Variants in PLOD2 observed in about 807,000 individuals in gnomAD.
The protein encoded by PLOD2 is lysine hydroxylase 2.
In PLOD2, 65 loss-of-function variants were observed where a neutral mutation model predicts 101.0. The observed-to-expected ratio is 0.64, with a 90% CI of 0.53 to 0.79. The LOEUF (loss-of-function observed/expected upper bound fraction) is 0.79, where lower values mean the gene tolerates loss of function less well. Ranked by LOEUF, PLOD2 falls within the 30% of genes least tolerant of loss-of-function variation. The probability of loss-of-function intolerance (pLI) is 0.00; values close to 1 mark genes in which losing one functional copy is unlikely to be tolerated. For missense variants in PLOD2, 909 were observed against 914.6 expected (o/e 0.99, Z 0.08); for synonymous variants, 314 against 302.9 (o/e 1.04, Z -0.38).
chr3:146,112,234 A>T (rs1937669788), intron 3 of PLOD2, among the ~76,000 whole-genome samples: 1 of 152,208 alleles, frequency 6.6e-6, no homozygotes, highest in South Asian at 2.1e-4. Flanking sequence ...AATAGCAAAG[A>T]CTTGGAACCA....
intron 1 of PLOD2, among the ~76,000 whole-genome samples, chr3:146,143,663 T>C (rs1265892614): frequency 6.6e-6 from 1 of 152,070 alleles, no homozygotes; most frequent in East Asian, 1.9e-4. Context: ...GTATATAGTT[T>C]AGCAACTGTA....
chr3:146,086,638 T>C (rs147029425), intron 10 of PLOD2, 149 bp downstream of exon 10: 11 of 507,506 alleles, frequency 2.2e-5, no homozygotes, highest in South Asian at 6.7e-5. Context: ...CGTACAAACA[T>C]AGACACAGTC....
Position 146,147,012 on chromosome 3 carries a change from G to A in PLOD2, c.109+13869C>T, listed in dbSNP as rs16857938. On this transcript the variant is annotated intron_variant, in intron 1 of 19. Coordinates refer to ENST00000282903, the MANE Select transcript of PLOD2 (RefSeq NM_182943.3). ...AAGGCCTATAGGCAGAGAAGCTTCC[G>A]AGGTTGGGAGTTCTAAGGCACAGCA... Among the ~76,000 whole-genome samples, 1,316 of 152,252 alleles carry A rather than the reference G, an allele frequency of 8.6e-3. 19 individuals carry two copies. The highest frequency in any genetic ancestry group is 0.03 in the African/African-American group (1,264 of 41,544).
chr3:146,096,882 G>GGGGA (rs1937192114), intron 7 of PLOD2, among the ~76,000 whole-genome samples: 1 of 76,270 alleles, frequency 1.3e-5, no homozygotes, highest in Non-Finnish European at 2.8e-5. Flanking sequence ...GAGGGAGGTG[G>GGGGA]GGGGGGGGAG....
At chr3:146,110,088 A>G (rs974896670) in intron 4 of PLOD2, among the ~76,000 whole-genome samples, 197 bp downstream of exon 4, 12 of 152,160 alleles carry the variant, frequency 7.9e-5, no homozygotes, top group Non-Finnish European at 1.5e-4. Context: ...ATAATTTGGT[A>G]ATTATAACAT....
At chr3:146,160,567 G>A (rs936925607) in intron 1 of PLOD2, among the ~76,000 whole-genome samples, 23 of 152,164 alleles carry the variant, frequency 1.5e-4, no homozygotes. Flanking sequence ...GAGGGGAAAG[G>A]AGAGCTGCAG....
At chr3:146,152,104 C>T (rs1163431800) in intron 1 of PLOD2, among the ~76,000 whole-genome samples, 1 of 152,142 alleles carries the variant, frequency 6.6e-6, no homozygotes, top group Non-Finnish European at 1.5e-5. Context: ...CAAAAATAGT[C>T]ATGGGCAACA....
intron 1 of PLOD2, among the ~76,000 whole-genome samples, chr3:146,141,172 G>A (rs1009128338): frequency 6.6e-6 from 1 of 151,886 alleles, no homozygotes; most frequent in Non-Finnish European, 1.5e-5. Flanking sequence ...TAAATAGCTG[G>A]ATGTTTAGAT....
intron 1 of PLOD2, among the ~76,000 whole-genome samples, chr3:146,134,329 T>C (rs1183859992): frequency 2.6e-5 from 4 of 152,212 alleles, no homozygotes; most frequent in Non-Finnish European, 5.9e-5. Context: ...TTCCAGAATT[T>C]ATGACTTGGA....
At chr3:146,083,748 AT>A (rs1187817046) in intron 11 of PLOD2, among the ~76,000 whole-genome samples, 1 of 151,416 alleles carries the variant, frequency 6.6e-6, no homozygotes, top group African/African-American at 2.4e-5. Context: ...CGCCCGGCTA[AT>A]TTTTTGTATT....
rs1311493609 is a variant in PLOD2 at position 146,161,019 on chromosome 3, G to A, written c.-30C>T. ...GGCCCTCGAGGGCCGCGCGGGCTCA[G>A]GCGCCCACGGCCCCGCAGCGCCGCG... On this transcript the variant is annotated 5_prime_UTR_variant, in exon 1 of 20. Transcript: ENST00000282903. 7.2e-7 allele frequency: 1 copy of A among 1,398,264 alleles called. No individual in the cohort carries two copies. The allele number at this position is 1,398,264 out of a possible 1,614,324, so 86.6% of individuals were successfully genotyped here.
chr3:146,128,489 CAGTGGCAGACTATGTAATCATCT>C (rs2030714383), intron 1 of PLOD2, among the ~76,000 whole-genome samples: 1 of 152,084 alleles, frequency 6.6e-6, no homozygotes. Flanking sequence ...AAATGAAAAT[CAGTGGCAGACTATGTAATCATCT>C]TTACATAATC....
chr3:146,071,488 A>C (rs1559830928), intron 17 of PLOD2, 65 bp from the exon 18 acceptor site: 1 of 1,467,048 alleles, frequency 6.8e-7, no homozygotes, highest in African/African-American at 1.4e-5. Flanking sequence ...ATATTATAGT[A>C]TTTTTTTTCA....
chr3:146,081,989 C>T, intron 11 of PLOD2, 126 bp from the exon 12 acceptor site: 1 of 616,716 alleles, frequency 1.6e-6, no homozygotes, highest in South Asian at 3.3e-5. Context: ...TTCAACAAAC[C>T]TGTAGTTAAT....
chr3:146,111,119 G>A (rs1179695816), intron 3 of PLOD2, among the ~76,000 whole-genome samples: 1 of 151,960 alleles, frequency 6.6e-6, no homozygotes, highest in Non-Finnish European at 1.5e-5. Flanking sequence ...CTTCCTCATG[G>A]TTCATTCACA....
At chr3:146,117,513 T>G (rs988785151) in intron 3 of PLOD2, among the ~76,000 whole-genome samples, 1 of 152,168 alleles carries the variant, frequency 6.6e-6, no homozygotes, top group Non-Finnish European at 1.5e-5. Flanking sequence ...AAATTTCTTA[T>G]GTGGCTTCAA....
chr3:146,101,464 G>C (rs1174772747), intron 7 of PLOD2, among the ~76,000 whole-genome samples: 1 of 152,188 alleles, frequency 6.6e-6, no homozygotes, highest in Non-Finnish European at 1.5e-5. Context: ...CAAAGGGAAG[G>C]AGCATTCAAG....
intron 4 of PLOD2, among the ~76,000 whole-genome samples, chr3:146,108,277 C>T (rs1314691675): frequency 6.6e-6 from 1 of 152,046 alleles, no homozygotes; most frequent in African/African-American, 2.4e-5. Flanking sequence ...ACCTCCTGGG[C>T]TCAAACAATC....
chr3:146,130,024 T>C lies in PLOD2; in HGVS notation c.110-5795A>G, dbSNP rs150713436. ...TTCATTGGTAAATACCCTCTTAGGATAGTAGAGAAACTCCATTACCACAAT... is the reference window on the plus strand; with the variant it reads ...TTCATTGGTAAATACCCTCTTAGGACAGTAGAGAAACTCCATTACCACAAT... On this transcript the variant is annotated intron_variant, in intron 1 of 19. Coordinates refer to ENST00000282903, the MANE Select transcript of PLOD2 (RefSeq NM_182943.3). 3.9e-3 allele frequency among the ~76,000 whole-genome samples: 598 copies of C among 152,286 alleles called. 1 individual carries two copies. The highest frequency in any genetic ancestry group is 0.014 in the African/African-American group (575 of 41,578).
Sources: allele counts gnomAD v4.1 joint callset (sites outside exome capture counted in the v4.1 genomes callset), GRCh38; gene constraint gnomAD v4.1.1; transcripts MANE v1.5; gene names NCBI Gene and HGNC (gene_info 2026-07-23, HGNC 2026-07-21).